Variants in LRMDA observed in about 807,000 individuals in gnomAD.
The protein encoded by LRMDA is leucine-rich melanocyte differentiation-associated protein.
Under a neutral mutation model 29.8 loss-of-function variants are expected in LRMDA, and 18 were observed. The ratio of observed to expected loss-of-function variants is 0.60; its 90% CI spans 0.42 to 0.90. The LOEUF is 0.90. Among genes scored for constraint, LRMDA ranks in the 40% least tolerant of loss-of-function variants. The pLI is 0.00. For synonymous variants in LRMDA, 125 were observed against 109.4 expected (o/e 1.14, Z -0.89); for missense variants, 273 against 273.9 (o/e 1.00, Z 0.02).
intron 6 of LRMDA, among the ~76,000 whole-genome samples, chr10:76,485,077 T>C (rs1298480358): frequency 6.6e-6 from 1 of 151,932 alleles, no homozygotes; most frequent in Non-Finnish European, 1.5e-5. Context: ...TCTTGTTTTT[T>C]ATCTGCTTCA....
intron 4 of LRMDA, among the ~76,000 whole-genome samples, chr10:76,055,254 G>A (rs1358850792): frequency 2.6e-5 from 4 of 152,074 alleles, no homozygotes; most frequent in African/African-American, 9.7e-5. Context: ...GAAGTAGCCA[G>A]AGTCAAATTT....
intron 2 of LRMDA, among the ~76,000 whole-genome samples, chr10:75,989,080 T>C (rs369520876): frequency 5.3e-5 from 8 of 152,140 alleles, no homozygotes; most frequent in African/African-American, 1.9e-4. Context: ...ATGCCTTCCA[T>C]TGCGGGAATC....
At chr10:76,530,106 G>C (rs1225520351) in intron 6 of LRMDA, among the ~76,000 whole-genome samples, 1 of 152,124 alleles carries the variant, frequency 6.6e-6, no homozygotes, top group Non-Finnish European at 1.5e-5. Flanking sequence ...CAATGGATAG[G>C]CTCCCAAAAC....
At chr10:76,516,907 T>C (rs752621506) in intron 6 of LRMDA, among the ~76,000 whole-genome samples, 3 of 152,172 alleles carry the variant, frequency 2.0e-5, no homozygotes, top group Non-Finnish European at 4.4e-5. Flanking sequence ...TTTTAACAAG[T>C]AACCAGTTTG....
intron 2 of LRMDA, among the ~76,000 whole-genome samples, chr10:75,515,895 C>T (rs572136269): frequency 5.9e-5 from 9 of 152,010 alleles, no homozygotes; most frequent in Non-Finnish European, 1.0e-4. Flanking sequence ...TGATGTTCCT[C>T]GCCCTGTGTC....
At position 76,118,518 on chromosome 10, in the gene LRMDA, A is replaced by C. The variant is rs539365032; in HGVS notation, c.516+59735A>C. 3.5e-3 allele frequency among the ~76,000 whole-genome samples: 532 copies of C among 152,310 alleles called. 1 individual carries two copies. The highest frequency in any genetic ancestry group is 0.02 in the Middle Eastern group (6 of 294). On this transcript the variant is annotated intron_variant, in intron 5 of 6. Coordinates refer to ENST00000611255, the MANE Select transcript of LRMDA (RefSeq NM_001305581.2). The stretch of plus-strand genomic sequence containing the variant: ...TAAAGGCGAAGATGAGCTATATTTA[A>C]AATTCAGGAAATGCAAACTTAGGTC...
At chr10:76,342,284 C>CA (rs1012349506) in intron 6 of LRMDA, among the ~76,000 whole-genome samples, 12 of 150,794 alleles carry the variant, frequency 8.0e-5, no homozygotes, top group African/African-American at 1.9e-4. Context: ...TAAAAACAAA[C>CA]AAAAAAAAGA....
At chr10:75,982,489 C>G (rs1373394703) in intron 2 of LRMDA, among the ~76,000 whole-genome samples, 8 of 152,144 alleles carry the variant, frequency 5.3e-5, no homozygotes, top group Admixed American at 5.2e-4. Flanking sequence ...TGGATTCCCC[C>G]TGTTAGCTTG....
intron 5 of LRMDA, among the ~76,000 whole-genome samples, chr10:76,107,115 G>A (rs1849499035): frequency 6.6e-6 from 1 of 152,178 alleles, no homozygotes; most frequent in African/African-American, 2.4e-5. Context: ...GGGAGGTAGA[G>A]GCCTGCACAT....
intron 2 of LRMDA, among the ~76,000 whole-genome samples, chr10:75,793,224 G>C (rs1225913302): frequency 6.6e-6 from 1 of 152,170 alleles, no homozygotes; most frequent in African/African-American, 2.4e-5. Flanking sequence ...GCAGAGTCTG[G>C]TCACAGAGGC....
chr10:75,781,791 A>G (rs1843388195), intron 2 of LRMDA, among the ~76,000 whole-genome samples: 1 of 152,210 alleles, frequency 6.6e-6, no homozygotes, highest in Non-Finnish European at 1.5e-5. Flanking sequence ...CTGCGAGGTC[A>G]ATCTCACCAC....
intron 5 of LRMDA, among the ~76,000 whole-genome samples, chr10:76,323,486 C>T (rs1019815871): frequency 1.3e-5 from 2 of 151,690 alleles, no homozygotes; most frequent in African/African-American, 2.4e-5. Context: ...AGCAGATGTT[C>T]TTTTTGGGAT....
intron 2 of LRMDA, among the ~76,000 whole-genome samples, chr10:75,693,733 T>G (rs1008428004): frequency 6.6e-6 from 1 of 152,156 alleles, no homozygotes; most frequent in Admixed American, 6.5e-5. Context: ...AGAGCACTTC[T>G]GAGAGAAAAA....
chr10:75,598,227 G>A (rs1840824929), intron 2 of LRMDA, among the ~76,000 whole-genome samples: 1 of 152,162 alleles, frequency 6.6e-6, no homozygotes, highest in Non-Finnish European at 1.5e-5. Context: ...GGCCTGGCTG[G>A]TTTCAACCAA....
In LRMDA at chr10:76,058,882, A is replaced by C. The variant is rs532468667; in HGVS notation, c.516+99A>C. 3.1e-3 allele frequency: 2,839 copies of C among 928,388 alleles called. 7 individuals are homozygous for C. Among genetic ancestry groups the C allele is most frequent in the Non-Finnish European group, 3.8e-3 (2,167 of 572,374 alleles). The allele number at this position is 928,388 out of a possible 1,614,324, so 57.5% of individuals were successfully genotyped here. On this transcript the variant is annotated intron_variant, in intron 5 of 6. Transcript: ENST00000611255. ...AATGTCCTCTGAGTGTTTAGAATGCAGTTGGAATCTCACATGAAGGGTCCT... is the reference window on the plus strand; with the variant it reads ...AATGTCCTCTGAGTGTTTAGAATGCCGTTGGAATCTCACATGAAGGGTCCT...
intron 2 of LRMDA, among the ~76,000 whole-genome samples, chr10:75,994,608 C>G (rs1397292727): frequency 6.6e-6 from 1 of 152,180 alleles, no homozygotes; most frequent in Non-Finnish European, 1.5e-5. Context: ...GACTAAGAGA[C>G]AGAAAGAAAA....
chr10:76,139,430 C>T (rs184588785), intron 5 of LRMDA, among the ~76,000 whole-genome samples: 17 of 152,148 alleles, frequency 1.1e-4, no homozygotes, highest in Admixed American at 1.0e-3. Context: ...TTCCTCTACA[C>T]ACGCACAGAC....
At chr10:75,444,806 C>T (rs1214416417) in intron 2 of LRMDA, among the ~76,000 whole-genome samples, 2 of 152,202 alleles carry the variant, frequency 1.3e-5, no homozygotes, top group African/African-American at 4.8e-5. Context: ...AACCAGAAAT[C>T]ACCATTGTTA....
intron 2 of LRMDA, among the ~76,000 whole-genome samples, chr10:75,504,283 G>A (rs10824311): frequency 4.6e-5 from 7 of 152,018 alleles, no homozygotes; most frequent in African/African-American, 1.7e-4. Context: ...CGTGAGCCAC[G>A]GCACCCCATA....
Sources: allele counts gnomAD v4.1 joint callset (sites outside exome capture counted in the v4.1 genomes callset), GRCh38; gene constraint gnomAD v4.1.1; transcripts MANE v1.5; gene names NCBI Gene and HGNC (gene_info 2026-07-23, HGNC 2026-07-21).